Variants in PLAAT2 observed in about 807,000 individuals in gnomAD.
PLAAT2 encodes the protein phospholipase A and acyltransferase 2.
Under a neutral mutation model 12.8 loss-of-function variants are expected in PLAAT2, and 12 were observed. The observed-to-expected ratio is 0.94, with a 90% confidence interval of 0.60 to 1.52. PLAAT2 has a LOEUF of 1.52. Among genes scored for constraint, PLAAT2 ranks in the 40% most tolerant of loss-of-function variants. The pLI, the probability that PLAAT2 is intolerant of heterozygous loss-of-function variation, is 0.00. For missense variants in PLAAT2, 166 were observed against 208.1 expected (o/e 0.80, Z 1.24); for synonymous variants, 79 against 86.8 (o/e 0.91, Z 0.50).
In PLAAT2 at chr11:63,553,015, G is replaced by GGCAGCCAGCAGGCCTGCT; in HGVS notation, c.420_437dup (p.Gly142_Ala147dup). On this transcript the variant is annotated inframe_insertion, in exon 4 of 4. Transcript: ENST00000255695. ...CCAGCAGGATCCCCACAAGGCTTGC[G>GGCAGCCAGCAGGCCTGCT]GCAGCCAGCAGGCCTGCTGCCACAC... 6.2e-7 allele frequency: 1 copy of GGCAGCCAGCAGGCCTGCT among 1,613,898 alleles called. No homozygotes were observed. Among genetic ancestry groups the GGCAGCCAGCAGGCCTGCT allele is most frequent in the Non-Finnish European group, 8.5e-7 (1 of 1,179,926 alleles).
intron 1 of PLAAT2, among the ~76,000 whole-genome samples, chr11:63,562,176 G>A (rs1292455847): frequency 2.0e-5 from 3 of 152,196 alleles, no homozygotes; most frequent in Non-Finnish European, 4.4e-5. Flanking sequence ...TGTACAGAGG[G>A]GAAAGGCTGT....
chr11:63,558,107 A>G (rs1376992052), intron 3 of PLAAT2, among the ~76,000 whole-genome samples: 1 of 152,070 alleles, frequency 6.6e-6, no homozygotes, highest in Non-Finnish European at 1.5e-5. Flanking sequence ...GTAAAGTGGG[A>G]ATCATAAAGC....
intron 3 of PLAAT2, among the ~76,000 whole-genome samples, chr11:63,556,254 AC>A (rs2017465741): frequency 1.3e-5 from 2 of 152,136 alleles, no homozygotes; most frequent in Non-Finnish European, 2.9e-5. Flanking sequence ...TTATTGGGTG[AC>A]CTGCAGGAGA....
At chr11:63,554,261 G>A (rs1031533128) in intron 3 of PLAAT2, among the ~76,000 whole-genome samples, 4 of 152,048 alleles carry the variant, frequency 2.6e-5, no homozygotes, top group Non-Finnish European at 5.9e-5. Context: ...TTTTTAATCT[G>A]CCTGACAACT....
At chr11:63,553,104 G>A (rs760696098) in intron 3 of PLAAT2, 39 bp from the exon 4 acceptor site, 1 of 1,343,994 alleles carries the variant, frequency 7.4e-7, no homozygotes, top group Non-Finnish European at 1.1e-6. Context: ...TCAGCATCAG[G>A]GCGGGACCAC....
At chr11:63,562,591 T>C (rs1208799397) in intron 1 of PLAAT2, among the ~76,000 whole-genome samples, 26 of 152,244 alleles carry the variant, frequency 1.7e-4, no homozygotes, top group Admixed American at 1.7e-3. Flanking sequence ...CTCTGACTTT[T>C]GGGCAGCCCC....
chr11:63,563,438 G>C, upstream of PLAAT2: 1 of 1,361,028 alleles, frequency 7.3e-7, no homozygotes, highest in South Asian at 1.2e-5. Flanking sequence ...CAGAACATAG[G>C]CTGGGTGCGG....
At chr11:63,560,304 C>G in intron 1 of PLAAT2, 111 bp from the exon 2 acceptor site, 1 of 705,324 alleles carries the variant, frequency 1.4e-6, no homozygotes, top group East Asian at 2.6e-5. Flanking sequence ...GTGCTCATCA[C>G]CTGCAGGAAA....
chr11:63,557,805 T>C (rs1297208827), intron 3 of PLAAT2, among the ~76,000 whole-genome samples: 1 of 152,180 alleles, frequency 6.6e-6, no homozygotes, highest in Non-Finnish European at 1.5e-5. Flanking sequence ...GATCTGGGCT[T>C]TTCCCCTTCC....
intron 3 of PLAAT2, among the ~76,000 whole-genome samples, chr11:63,554,165 G>A (rs899791473): frequency 8.6e-6 from 1 of 116,014 alleles, no homozygotes; most frequent in Non-Finnish European, 1.7e-5. Flanking sequence ...GAAACAACAC[G>A]GGGTGGGGGG....
chr11:63,564,199 T>C (rs954669518), upstream of PLAAT2, among the ~76,000 whole-genome samples: 3 of 152,166 alleles, frequency 2.0e-5, no homozygotes, highest in Non-Finnish European at 4.4e-5. Context: ...TTTCTGCCTC[T>C]CACCCACAGT....
intron 2 of PLAAT2, among the ~76,000 whole-genome samples, chr11:63,559,509 C>A (rs915481125): frequency 5.0e-5 from 7 of 139,748 alleles, no homozygotes; most frequent in African/African-American, 1.9e-4. Context: ...TCTTGGGACC[C>A]TGGTTTCATC....
chr11:63,558,685 T>C (rs1590670548), intron 2 of PLAAT2, 25 bp from the exon 3 acceptor site: 2 of 1,612,268 alleles, frequency 1.2e-6, no homozygotes, highest in Admixed American at 3.3e-5. Context: ...AGTTCAGTCC[T>C]GGGCAGGGCC....
rs764214220 is a variant in PLAAT2 at position 63,558,510 on chromosome 11, T to C, written c.269A>G (p.Asn90Ser). 5.0e-6 allele frequency: 8 copies of C among 1,614,212 alleles called. No homozygotes were observed. Among genetic ancestry groups the C allele is most frequent in the Non-Finnish European group, 5.1e-6 (6 of 1,180,040 alleles). The change falls in exon 3 of 4, where the codon AAC (asparagine) becomes AGC (serine). Residue 90 changes from asparagine to serine, a missense_variant. By Grantham distance (46) the Asn-to-Ser change is conservative. Transcript: ENST00000255695. The stretch of plus-strand genomic sequence containing the variant: ...CTCCTCTGCCCGCTTGACGATTTTG[T>C]TGGAAGGCAGTGGTGTGTATCTGTC... ...HDDRYTPLPS[N>S]KIVKRAEELV...
chr11:63,553,632 A>T (rs2017438861), intron 3 of PLAAT2, among the ~76,000 whole-genome samples: 1 of 152,218 alleles, frequency 6.6e-6, no homozygotes, highest in East Asian at 1.9e-4. Context: ...CTTGGGTGAC[A>T]AAGTGAGTCC....
chr11:63,560,650 G>A (rs932071969), intron 1 of PLAAT2, among the ~76,000 whole-genome samples: 7 of 152,218 alleles, frequency 4.6e-5, no homozygotes, highest in Non-Finnish European at 1.0e-4. Flanking sequence ...ACATGTCAGA[G>A]GCAGGCGGAC....
At chr11:63,559,713 C>A (rs991051334) in intron 2 of PLAAT2, among the ~76,000 whole-genome samples, 1 of 130,634 alleles carries the variant, frequency 7.7e-6, no homozygotes, top group East Asian at 3.8e-4. Context: ...GGGAGGCCCA[C>A]ATGCTCCTTC....
intron 2 of PLAAT2, among the ~76,000 whole-genome samples, 166 bp downstream of exon 2, chr11:63,559,919 G>A (rs1321360930): frequency 6.6e-6 from 1 of 152,196 alleles, no homozygotes; most frequent in African/African-American, 2.4e-5. Context: ...TACTGCAAAA[G>A]AAGAATAGCA....
intron 1 of PLAAT2, among the ~76,000 whole-genome samples, chr11:63,560,495 G>A (rs973817922): frequency 6.6e-6 from 1 of 152,218 alleles, no homozygotes; most frequent in African/African-American, 2.4e-5. Context: ...GAGTGTGAGT[G>A]CATTTTATGC....
Sources: gnomAD v4.1 joint callset for allele counts (sites outside exome capture counted in the v4.1 genomes callset) on GRCh38, gnomAD v4.1.1 for gene constraint, MANE v1.5 for transcripts, NCBI Gene and HGNC (gene_info 2026-07-23, HGNC 2026-07-21) for gene names.